MACROD2: variants seen among roughly 807,000 people sequenced by gnomAD.
MACROD2 encodes mono-ADP ribosylhydrolase 2, also known as ADP-ribose glycohydrolase MACROD2.
MACROD2 carries 36 observed loss-of-function variants against 70.4 expected under a neutral mutation model. The ratio of observed to expected loss-of-function variants is 0.51; its 90% CI spans 0.39 to 0.68. MACROD2 has a LOEUF of 0.68. MACROD2 is among the 30% of genes least tolerant of loss of function. MACROD2 has a pLI of 0.00. For missense variants in MACROD2, 496 were observed against 538.4 expected (o/e 0.92, Z 0.78); for synonymous variants, 172 against 178.8 (o/e 0.96, Z 0.30).
At chr20:15,582,239 C>T (rs968660384) in intron 8 of MACROD2, among the ~76,000 whole-genome samples, 4 of 152,266 alleles carry the variant, frequency 2.6e-5, no homozygotes, top group South Asian at 2.1e-4. Context: ...CAGGGAGCCA[C>T]TCACCAATCA....
chr20:15,523,925 G>T (rs1233779), intron 8 of MACROD2, among the ~76,000 whole-genome samples: 3 of 151,766 alleles, frequency 2.0e-5, no homozygotes, highest in African/African-American at 7.3e-5. Flanking sequence ...CACCAGCCTC[G>T]TGATCTAGGT....
intron 5 of MACROD2, among the ~76,000 whole-genome samples, chr20:15,153,443 G>T (rs565998229): frequency 2.9e-3 from 438 of 152,056 alleles, no homozygotes; most frequent in African/African-American, 9.6e-3. Flanking sequence ...TGGCCATCTG[G>T]ATGTGTATGT....
chr20:14,463,672 G>T (rs2084401025), intron 3 of MACROD2, among the ~76,000 whole-genome samples: 1 of 152,050 alleles, frequency 6.6e-6, no homozygotes, highest in East Asian at 1.9e-4. Flanking sequence ...CTGTGGGTTT[G>T]TCATAGATAG....
chr20:14,214,333 T>TC (rs998549481), intron 3 of MACROD2, among the ~76,000 whole-genome samples: 1 of 152,094 alleles, frequency 6.6e-6, no homozygotes, highest in Non-Finnish European at 1.5e-5. Flanking sequence ...TGTAGTGCCA[T>TC]CCCCTTCTTT....
At chr20:14,827,903 T>C (rs1455476571) in intron 5 of MACROD2, among the ~76,000 whole-genome samples, 1 of 152,058 alleles carries the variant, frequency 6.6e-6, no homozygotes, top group Non-Finnish European at 1.5e-5. Flanking sequence ...TCTAATAGTC[T>C]CATATGAAGT....
At chr20:14,528,760 G>A (rs190627960) in intron 4 of MACROD2, among the ~76,000 whole-genome samples, 8 of 152,184 alleles carry the variant, frequency 5.3e-5, no homozygotes, top group Admixed American at 5.2e-4. Flanking sequence ...TGATTAGGTT[G>A]GGTTGGGCTG....
intron 12 of MACROD2, among the ~76,000 whole-genome samples, chr20:15,952,672 C>T (rs1348486609): frequency 1.3e-5 from 2 of 152,174 alleles, no homozygotes; most frequent in South Asian, 2.1e-4. Flanking sequence ...CAGATTCTTT[C>T]CTGGGGGCTT....
chr20:14,910,178 T>C (rs995751354), intron 5 of MACROD2, among the ~76,000 whole-genome samples: 1 of 152,224 alleles, frequency 6.6e-6, no homozygotes, highest in Non-Finnish European at 1.5e-5. Flanking sequence ...ATTTTAAGTT[T>C]GGTGTGCTCA....
intron 10 of MACROD2, among the ~76,000 whole-genome samples, chr20:15,911,053 C>T (rs1003653683): frequency 1.2e-4 from 19 of 152,262 alleles, no homozygotes; most frequent in African/African-American, 4.6e-4. Context: ...CTCAATAGCT[C>T]CCATGAAAGA....
intron 10 of MACROD2, among the ~76,000 whole-genome samples, chr20:15,915,136 A>G (rs1187479738): frequency 6.6e-6 from 1 of 152,152 alleles, no homozygotes; most frequent in East Asian, 1.9e-4. Context: ...GTTCCGTGAC[A>G]TTGGCATGAT....
intron 5 of MACROD2, among the ~76,000 whole-genome samples, chr20:15,149,528 T>C (rs1464687895): frequency 2.0e-5 from 3 of 151,944 alleles, no homozygotes; most frequent in South Asian, 2.1e-4. Context: ...ATGGTAATTA[T>C]GGGAGACTCA....
At chr20:14,604,231 A>G (rs1298182616) in intron 4 of MACROD2, among the ~76,000 whole-genome samples, 2 of 152,216 alleles carry the variant, frequency 1.3e-5, no homozygotes, top group Non-Finnish European at 2.9e-5. Context: ...TGCTAAATCC[A>G]AAGGAACCAT....
At chr20:14,058,646 CTTT>C (rs374361854) in intron 2 of MACROD2, among the ~76,000 whole-genome samples, 2 of 133,166 alleles carry the variant, frequency 1.5e-5, no homozygotes, top group Non-Finnish European at 3.2e-5. Context: ...TTCCTTTTAC[CTTT>C]TTTTTTTTTT....
At chr20:15,003,091 A>T (rs1272076615) in intron 5 of MACROD2, among the ~76,000 whole-genome samples, 2 of 152,190 alleles carry the variant, frequency 1.3e-5, no homozygotes, top group African/African-American at 2.4e-5. Flanking sequence ...CTCTGTCCAG[A>T]ACCCACCATT....
intron 3 of MACROD2, among the ~76,000 whole-genome samples, chr20:14,443,091 A>G (rs538300025): frequency 2.8e-4 from 42 of 151,488 alleles, no homozygotes; most frequent in Non-Finnish European, 1.8e-4. Flanking sequence ...GAAAAAAAAA[A>G]AAGAAATGAG....
At chr20:15,161,495 A>G (rs1173805082) in intron 5 of MACROD2, among the ~76,000 whole-genome samples, 3 of 151,904 alleles carry the variant, frequency 2.0e-5, no homozygotes, top group Admixed American at 2.0e-4. Flanking sequence ...TCTTAGATCA[A>G]GAGGAATCTC....
At chr20:15,447,369 C>G (rs1000787727) in intron 7 of MACROD2, among the ~76,000 whole-genome samples, 1 of 152,162 alleles carries the variant, frequency 6.6e-6, no homozygotes, top group Non-Finnish European at 1.5e-5. Context: ...GTTTCCACTT[C>G]GTGTTCTTTG....
intron 8 of MACROD2, among the ~76,000 whole-genome samples, chr20:15,520,754 A>T (rs1305151583): frequency 6.6e-6 from 1 of 152,224 alleles, no homozygotes; most frequent in African/African-American, 2.4e-5. Context: ...ACACACATGT[A>T]TGAAACAGCA....
chr20:15,530,306 T>C lies in MACROD2; in HGVS notation c.645+30459T>C, dbSNP rs1479622037. 2.0e-5 allele frequency among the ~76,000 whole-genome samples: 3 copies of C among 152,206 alleles called. No individual in the cohort carries two copies. In the East Asian group the frequency reaches 5.8e-4, roughly 29 times the overall value. ...TGATCCCTTTGCAAATTAATTCTTA[T>C]ACTAAGGTACTGTGAACATGGGTCA... On this transcript the variant is annotated intron_variant, in intron 8 of 17. Coordinates refer to ENST00000684519, the MANE Select transcript of MACROD2 (RefSeq NM_001351661.2).
Sources: gnomAD v4.1 joint callset for allele counts (sites outside exome capture counted in the v4.1 genomes callset) on GRCh38, gnomAD v4.1.1 for gene constraint, MANE v1.5 for transcripts, NCBI Gene and HGNC (gene_info 2026-07-23, HGNC 2026-07-21) for gene names.